The following SAMD12 variants were observed in gnomAD, a reference collection of about 807,000 sequenced individuals.
The protein encoded by SAMD12 is sterile alpha motif domain-containing protein 12.
Under a neutral mutation model 15.0 loss-of-function variants are expected in SAMD12, and 9 were observed. That is an observed-to-expected ratio of 0.60 (90% CI 0.36 to 1.05). The LOEUF is 1.05. Among genes scored for constraint, SAMD12 ranks in the 50% least tolerant of loss-of-function variants. The pLI is 0.01. For missense variants in SAMD12, 230 were observed against 234.2 expected (o/e 0.98, Z 0.12); for synonymous variants, 86 against 90.1 (o/e 0.96, Z 0.25).
chr8:118,172,972 C>T, the SAMD12 span, among the ~76,000 whole-genome samples: 1 of 152,118 alleles, frequency 6.6e-6, no homozygotes, highest in African/African-American at 2.4e-5. Flanking sequence ...GGTATTTGTC[C>T]TCGTGCTGGT....
At chr8:118,392,089 C>T (rs1236367258) in intron 3 of SAMD12, among the ~76,000 whole-genome samples, 1 of 152,200 alleles carries the variant, frequency 6.6e-6, no homozygotes, top group African/African-American at 2.4e-5. Flanking sequence ...GACACCCTCT[C>T]TCCCCATGTT....
At chr8:118,333,302 C>T (rs1806394041) in intron 4 of SAMD12, among the ~76,000 whole-genome samples, 1 of 152,118 alleles carries the variant, frequency 6.6e-6, no homozygotes, top group Non-Finnish European at 1.5e-5. Flanking sequence ...GGCTCAGTGA[C>T]AAGTTTGCTG....
intron 4 of SAMD12, among the ~76,000 whole-genome samples, chr8:118,310,937 T>C (rs1815598656): frequency 6.6e-6 from 1 of 152,208 alleles, no homozygotes; most frequent in African/African-American, 2.4e-5. Context: ...GTATCTTGAA[T>C]GGCACCTATG....
At chr8:118,337,064 G>T (rs1431658497) in intron 4 of SAMD12, among the ~76,000 whole-genome samples, 1 of 151,888 alleles carries the variant, frequency 6.6e-6, no homozygotes, top group Admixed American at 6.6e-5. Context: ...TAATGTAAAT[G>T]ATGAGTTAAT....
intron 2 of SAMD12, among the ~76,000 whole-genome samples, chr8:118,576,340 A>G (rs913476657): frequency 3.9e-5 from 6 of 152,214 alleles, no homozygotes; most frequent in African/African-American, 1.4e-4. Flanking sequence ...TGAAAAGTAA[A>G]TCCATGCTAC....
At chr8:118,546,798 T>C (rs985918781) in intron 2 of SAMD12, among the ~76,000 whole-genome samples, 2 of 152,258 alleles carry the variant, frequency 1.3e-5, no homozygotes, top group Non-Finnish European at 2.9e-5. Context: ...AGGAATGCAT[T>C]ACACAGACTC....
At chr8:118,502,465 C>T (rs991140879) in intron 2 of SAMD12, among the ~76,000 whole-genome samples, 1 of 152,112 alleles carries the variant, frequency 6.6e-6, no homozygotes, top group African/African-American at 2.4e-5. Context: ...CAATTATTTG[C>T]CAGCCTGTCT....
At chr8:118,232,353 A>G (rs943061614) in intron 4 of SAMD12, among the ~76,000 whole-genome samples, 2 of 152,124 alleles carry the variant, frequency 1.3e-5, no homozygotes, top group Non-Finnish European at 2.9e-5. Context: ...CCAGAAGGGG[A>G]GAGAGGAAAT....
chr8:118,187,653 C>T (rs1819263716), downstream of SAMD12, among the ~76,000 whole-genome samples: 1 of 152,130 alleles, frequency 6.6e-6, no homozygotes, highest in African/African-American at 2.4e-5. Flanking sequence ...TCATGAGTTA[C>T]CCAAATGCTG....
the SAMD12 span, among the ~76,000 whole-genome samples, chr8:118,134,051 T>A: frequency 6.6e-6 from 1 of 152,220 alleles, no homozygotes; most frequent in Non-Finnish European, 1.5e-5. Flanking sequence ...TGGAATATAA[T>A]TGGTTGGTAC....
At chr8:118,572,960 A>G (rs1195302076) in intron 2 of SAMD12, among the ~76,000 whole-genome samples, 1 of 152,108 alleles carries the variant, frequency 6.6e-6, no homozygotes, top group Non-Finnish European at 1.5e-5. Context: ...CAGTTCTCAC[A>G]AGATCTGATG....
the SAMD12 span, among the ~76,000 whole-genome samples, chr8:118,151,266 A>G: frequency 4.1e-3 from 625 of 151,630 alleles, 5 homozygotes; most frequent in African/African-American, 0.015. Context: ...TTTCTTTTTT[A>G]TGTTTCTTGT....
chr8:118,163,551 G>T, the SAMD12 span, among the ~76,000 whole-genome samples: 1 of 152,168 alleles, frequency 6.6e-6, no homozygotes, highest in South Asian at 2.1e-4. Context: ...CCTTTGGAGA[G>T]TCAAAGCAGA....
intron 4 of SAMD12, among the ~76,000 whole-genome samples, chr8:118,304,465 C>T (rs937443591): frequency 6.6e-6 from 1 of 152,080 alleles, no homozygotes; most frequent in Non-Finnish European, 1.5e-5. Context: ...AGCATAAGAA[C>T]CTCTTTTTAA....
intron 1 of SAMD12, among the ~76,000 whole-genome samples, chr8:118,584,491 TC>T (rs1014243093): frequency 2.6e-5 from 4 of 152,182 alleles, no homozygotes; most frequent in Non-Finnish European, 4.4e-5. Context: ...TCTTCTCGTT[TC>T]CCTAATCTTC....
At chr8:118,596,030 T>C (rs1413390044) in intron 1 of SAMD12, among the ~76,000 whole-genome samples, 1 of 152,182 alleles carries the variant, frequency 6.6e-6, no homozygotes, top group Non-Finnish European at 1.5e-5. Context: ...CATGCTTAAG[T>C]GGTTTGATTC....
chr8:118,366,360 A>G (rs183237439), intron 4 of SAMD12, among the ~76,000 whole-genome samples: 2 of 152,326 alleles, frequency 1.3e-5, no homozygotes, highest in East Asian at 3.9e-4. Context: ...ATAATATTTT[A>G]CATATAGGTC....
intron 2 of SAMD12, among the ~76,000 whole-genome samples, chr8:118,552,347 T>C (rs1404486918): frequency 1.3e-5 from 2 of 152,136 alleles, no homozygotes; most frequent in Non-Finnish European, 2.9e-5. Context: ...GTGGGCTTCA[T>C]CCCTGGGATG....
chr8:118,573,861 CT>C (rs1827083358), intron 2 of SAMD12, among the ~76,000 whole-genome samples: 1 of 152,172 alleles, frequency 6.6e-6, no homozygotes, highest in Non-Finnish European at 1.5e-5. Flanking sequence ...AAAATTTCAT[CT>C]TTTTATTATG....
Sources: gnomAD v4.1 joint callset for allele counts (sites outside exome capture counted in the v4.1 genomes callset) on GRCh38, gnomAD v4.1.1 for gene constraint, MANE v1.5 for transcripts, NCBI Gene and HGNC (gene_info 2026-07-23, HGNC 2026-07-21) for gene names.